Variants in NXPE2 observed in about 807,000 individuals in gnomAD.
NXPE2 encodes neurexophilin and PC-esterase domain family member 2.
Under a neutral mutation model 34.4 loss-of-function variants are expected in NXPE2, and 34 were observed. The observed-to-expected ratio is 0.99, with a 90% CI of 0.75 to 1.31. The LOEUF is 1.31. Among genes scored for constraint, NXPE2 ranks in the 40% most tolerant of loss-of-function variants. NXPE2 has a pLI of 0.00. For missense variants in NXPE2, 649 were observed against 672.5 expected (o/e 0.97, Z 0.39); for synonymous variants, 235 against 231.3 (o/e 1.02, Z -0.15).
At chr11:114,591,246 G>A in the NXPE2 span, among the ~76,000 whole-genome samples, 1 of 152,152 alleles carries the variant, frequency 6.6e-6, no homozygotes. Context: ...AATTAAGCAA[G>A]GGAAAGGTAG....
At chr11:114,515,302 G>A in the NXPE2 span, among the ~76,000 whole-genome samples, 5 of 151,944 alleles carry the variant, frequency 3.3e-5, no homozygotes, top group African/African-American at 9.7e-5. Flanking sequence ...TTTGATATGT[G>A]GTATGAGGTG....
At chr11:114,656,120 T>A in the NXPE2 span, among the ~76,000 whole-genome samples, 3 of 152,110 alleles carry the variant, frequency 2.0e-5, no homozygotes, top group African/African-American at 7.2e-5. Flanking sequence ...TCATAAGTAT[T>A]CCTTTTCACC....
At chr11:114,503,266 C>T in the NXPE2 span, among the ~76,000 whole-genome samples, 3 of 152,138 alleles carry the variant, frequency 2.0e-5, no homozygotes, top group East Asian at 5.8e-4. Flanking sequence ...AAGTGAATAT[C>T]ATAATGGTAT....
At chr11:114,469,625 G>C in the NXPE2 span, among the ~76,000 whole-genome samples, 1 of 151,168 alleles carries the variant, frequency 6.6e-6, no homozygotes, top group East Asian at 2.0e-4. Context: ...GAGTAGCTGG[G>C]ATTACATGCA....
intron 3 of NXPE2, 126 bp from the exon 4 acceptor site, chr11:114,703,865 C>G (rs1951419251): frequency 1.4e-6 from 1 of 704,400 alleles, no homozygotes; most frequent in African/African-American, 1.8e-5. Context: ...CCCAGGATAT[C>G]TTAAATATAT....
chr11:114,569,614 G>C, the NXPE2 span, among the ~76,000 whole-genome samples: 1 of 152,130 alleles, frequency 6.6e-6, no homozygotes, highest in Non-Finnish European at 1.5e-5. Flanking sequence ...GAGAGCTGAA[G>C]ATACTTATCC....
chr11:114,551,336 T>C, the NXPE2 span: 1 of 1,395,596 alleles, frequency 7.2e-7, no homozygotes, highest in African/African-American at 1.5e-5. Context: ...CACTGTCTTC[T>C]TTCCCTCTGC....
intron 3 of NXPE2, among the ~76,000 whole-genome samples, chr11:114,700,803 A>G (rs1465502226): frequency 6.6e-6 from 1 of 152,164 alleles, no homozygotes; most frequent in East Asian, 1.9e-4. Flanking sequence ...GCATTTCCCA[A>G]ATTTATTTGG....
At chr11:114,468,415 T>C in the NXPE2 span, among the ~76,000 whole-genome samples, 3 of 152,182 alleles carry the variant, frequency 2.0e-5, no homozygotes, top group Non-Finnish European at 4.4e-5. Context: ...GGCTTTTGCA[T>C]GGTGCAGTGG....
chr11:114,633,915 A>G, the NXPE2 span, among the ~76,000 whole-genome samples: 6 of 152,094 alleles, frequency 3.9e-5, no homozygotes, highest in African/African-American at 1.4e-4. Flanking sequence ...TAGTGCCACA[A>G]TAAACATATG....
chr11:114,756,324 G>A, the NXPE2 span, among the ~76,000 whole-genome samples: 5 of 152,138 alleles, frequency 3.3e-5, 1 homozygote, highest in Admixed American at 1.3e-4. Flanking sequence ...TATGATACAT[G>A]TTCCCTGAAA....
At chr11:114,742,856 T>A in the NXPE2 span, among the ~76,000 whole-genome samples, 1 of 152,206 alleles carries the variant, frequency 6.6e-6, no homozygotes, top group Non-Finnish European at 1.5e-5. Context: ...TTATCTCTGA[T>A]GTTTATATGG....
At chr11:114,503,280 G>C in the NXPE2 span, among the ~76,000 whole-genome samples, 1 of 152,126 alleles carries the variant, frequency 6.6e-6, no homozygotes, top group Non-Finnish European at 1.5e-5. Context: ...ATGGTATGAG[G>C]AGATGGCTAA....
the NXPE2 span, among the ~76,000 whole-genome samples, chr11:114,766,536 C>G: frequency 6.6e-6 from 1 of 152,024 alleles, no homozygotes; most frequent in African/African-American, 2.4e-5. Context: ...TATTCCCACA[C>G]TTTCCCTTTT....
the NXPE2 span, among the ~76,000 whole-genome samples, chr11:114,503,833 T>G: frequency 6.6e-6 from 1 of 152,254 alleles, no homozygotes; most frequent in Non-Finnish European, 1.5e-5. Flanking sequence ...AAGTCCCTAC[T>G]GTCAGACCTG....
At chr11:114,801,712 G>A in the NXPE2 span, among the ~76,000 whole-genome samples, 11 of 152,192 alleles carry the variant, frequency 7.2e-5, no homozygotes, top group East Asian at 1.9e-3. Context: ...TATTTTAGAG[G>A]AAAAACCAGC....
At chr11:114,615,977 T>C in the NXPE2 span, among the ~76,000 whole-genome samples, 5 of 148,846 alleles carry the variant, frequency 3.4e-5, no homozygotes, top group Non-Finnish European at 5.9e-5. Context: ...ATAAGTATTC[T>C]CTCGTGGAAA....
chr11:114,644,703 A>C, the NXPE2 span, among the ~76,000 whole-genome samples: 2 of 152,102 alleles, frequency 1.3e-5, no homozygotes, highest in African/African-American at 2.4e-5. Flanking sequence ...ATTCCCCCTC[A>C]AATTTTATCA....
At chr11:114,809,750 A>C in the NXPE2 span, among the ~76,000 whole-genome samples, 6 of 116,970 alleles carry the variant, frequency 5.1e-5, no homozygotes, top group Non-Finnish European at 1.1e-4. Context: ...AATATCATGA[A>C]AATGGCCATA....
Sources: gnomAD v4.1 joint callset for allele counts (sites outside exome capture counted in the v4.1 genomes callset) on GRCh38, gnomAD v4.1.1 for gene constraint, MANE v1.5 for transcripts, NCBI Gene and HGNC (gene_info 2026-07-23, HGNC 2026-07-21) for gene names.